PELI2: variants seen among roughly 807,000 people sequenced by gnomAD.
PELI2 encodes E3 ubiquitin-protein ligase pellino homolog 2.
PELI2 carries 23 observed loss-of-function variants against 42.3 expected under a neutral mutation model. That is an observed-to-expected ratio of 0.54 (90% CI 0.39 to 0.77). The LOEUF is 0.77. Among genes scored for constraint, PELI2 ranks in the 30% least tolerant of loss-of-function variants. The pLI is 0.00. For missense variants in PELI2, 463 were observed against 553.2 expected (o/e 0.84, Z 1.64); for synonymous variants, 245 against 212.2 (o/e 1.15, Z -1.34).
At chr14:56,140,611 A>G (rs977270348) in intron 1 of PELI2, among the ~76,000 whole-genome samples, 1 of 152,230 alleles carries the variant, frequency 6.6e-6, no homozygotes, top group Non-Finnish European at 1.5e-5. Context: ...GTAGGATCAT[A>G]TGCCTCTTTA....
At chr14:56,132,900 C>T (rs1438481735) in intron 1 of PELI2, among the ~76,000 whole-genome samples, 3 of 152,160 alleles carry the variant, frequency 2.0e-5, no homozygotes, top group Non-Finnish European at 4.4e-5. Context: ...TAATCATTAA[C>T]ACAGATCATT....
chr14:56,158,918 C>A (rs544994132), intron 1 of PELI2, among the ~76,000 whole-genome samples: 2 of 152,252 alleles, frequency 1.3e-5, no homozygotes, highest in South Asian at 4.1e-4. Flanking sequence ...AATATATACT[C>A]ATTTTTAAAA....
At chr14:56,175,001 T>A (rs1266972986) in intron 1 of PELI2, among the ~76,000 whole-genome samples, 6 of 152,150 alleles carry the variant, frequency 3.9e-5, no homozygotes, top group African/African-American at 1.4e-4. Context: ...GATTTCTTTT[T>A]CTTTCTTTTC....
chr14:56,164,978 T>C (rs375104597), intron 1 of PELI2, among the ~76,000 whole-genome samples: 3 of 149,016 alleles, frequency 2.0e-5, no homozygotes, highest in Non-Finnish European at 1.5e-5. Flanking sequence ...TTTTTTTTTT[T>C]CAAAAAACCA....
chr14:56,289,244 A>G (rs949455217), intron 4 of PELI2, among the ~76,000 whole-genome samples: 1 of 152,208 alleles, frequency 6.6e-6, no homozygotes, highest in South Asian at 2.1e-4. Flanking sequence ...GTGCCGATGA[A>G]GGCCAGCTCC....
intron 2 of PELI2, among the ~76,000 whole-genome samples, chr14:56,191,758 A>G (rs1281662794): frequency 6.6e-6 from 1 of 152,244 alleles, no homozygotes; most frequent in African/African-American, 2.4e-5. Context: ...AGAACTTTGT[A>G]CTTGAGCTAT....
intron 1 of PELI2, among the ~76,000 whole-genome samples, chr14:56,167,010 T>A (rs909646267): frequency 1.3e-5 from 2 of 152,200 alleles, no homozygotes; most frequent in East Asian, 1.9e-4. Context: ...AGGATGGTCT[T>A]GATCTCCTGA....
At position 56,180,742 on chromosome 14, in the gene PELI2, G is replaced by A. The variant is rs115453195; in HGVS notation, c.207+2278G>A. On this transcript the variant is annotated intron_variant, in intron 2 of 5. Coordinates refer to ENST00000267460, the MANE Select transcript of PELI2 (RefSeq NM_021255.3). The surrounding 1 kb of genome is among the most constrained non-coding windows in gnomAD (Gnocchi z 4.4). ...TTGGCGCCCCCCATCTACCTCTTCC[G>A]CCCCTTACTCCTGCTCCCTCTCAAA... 3.3e-5 allele frequency among the ~76,000 whole-genome samples: 5 copies of A among 151,292 alleles called. No individual in the cohort carries two copies. The highest frequency in any genetic ancestry group is 2.1e-4 in the South Asian group (1 of 4,780).
chr14:56,170,043 C>T (rs2228708), intron 1 of PELI2, among the ~76,000 whole-genome samples: 1 of 152,144 alleles, frequency 6.6e-6, no homozygotes, highest in Non-Finnish European at 1.5e-5. Context: ...TTCTCAGAGA[C>T]TGTGTGCCCT....
At chr14:56,284,359 G>T (rs980612786) in intron 3 of PELI2, among the ~76,000 whole-genome samples, 1 of 152,128 alleles carries the variant, frequency 6.6e-6, no homozygotes, top group Non-Finnish European at 1.5e-5. Context: ...AATTAGAGGG[G>T]TGCATTGTCT....
intron 2 of PELI2, among the ~76,000 whole-genome samples, chr14:56,198,450 A>C (rs1385519271): frequency 6.6e-6 from 1 of 152,222 alleles, no homozygotes; most frequent in Non-Finnish European, 1.5e-5. Context: ...TGCCTAAGGC[A>C]GACTGGAGTA....
At chr14:56,228,997 T>C (rs577995498) in intron 2 of PELI2, among the ~76,000 whole-genome samples, 1 of 152,202 alleles carries the variant, frequency 6.6e-6, no homozygotes, top group East Asian at 1.9e-4. Flanking sequence ...GCCTTGCTCA[T>C]TGCTAGCACA....
intron 1 of PELI2, among the ~76,000 whole-genome samples, chr14:56,128,517 T>G (rs1436692046): frequency 6.6e-6 from 1 of 152,088 alleles, no homozygotes; most frequent in Non-Finnish European, 1.5e-5. Flanking sequence ...AGGGTGAAGG[T>G]GAGAGGCATG....
At position 56,232,646 on chromosome 14, in the gene PELI2, A is replaced by G. The variant is rs565236399; in HGVS notation, c.208-47030A>G. Reference sequence around the variant, plus strand: ...AGCTATTTATGACAAACCCCCAGCCAGTATCATACTGAATGGGCAAAAACT... The same window carrying G: ...AGCTATTTATGACAAACCCCCAGCCGGTATCATACTGAATGGGCAAAAACT... On this transcript the variant is annotated intron_variant, in intron 2 of 5. Coordinates refer to ENST00000267460, the MANE Select transcript of PELI2 (RefSeq NM_021255.3). Among the ~76,000 whole-genome samples the G allele has an allele frequency of 4.3e-3, 655 of 151,826 alleles. 4 individuals are homozygous for G. Among genetic ancestry groups the G allele is most frequent in the African/African-American group, 0.015 (604 of 41,430 alleles).
At chr14:56,156,117 G>A (rs1884557566) in intron 1 of PELI2, among the ~76,000 whole-genome samples, 1 of 151,672 alleles carries the variant, frequency 6.6e-6, no homozygotes, top group African/African-American at 2.4e-5. Context: ...TTTATTCTTG[G>A]TTCTTAAAAA....
At chr14:56,284,516 C>T (rs1313716123) in intron 3 of PELI2, among the ~76,000 whole-genome samples, 1 of 152,080 alleles carries the variant, frequency 6.6e-6, no homozygotes, top group Non-Finnish European at 1.5e-5. Flanking sequence ...GCTACAAGGC[C>T]TAACAGTTTT....
intron 2 of PELI2, among the ~76,000 whole-genome samples, chr14:56,181,117 C>G (rs899172611): frequency 6.6e-6 from 1 of 152,132 alleles, no homozygotes; most frequent in Admixed American, 6.5e-5. Flanking sequence ...CCCATTTTCA[C>G]TTGGAAATGA....
chr14:56,220,918 G>A (rs1021752591), intron 2 of PELI2, among the ~76,000 whole-genome samples: 5 of 152,168 alleles, frequency 3.3e-5, no homozygotes, highest in African/African-American at 1.2e-4. Flanking sequence ...CATTTCTTCA[G>A]TTTTCAGAAG....
At position 56,296,719 on chromosome 14, in the gene PELI2, C is replaced by T. The variant is rs780985892; in HGVS notation, c.816C>T (p.Ala272=). ...CTCCAACTCAGAAGCACATAGAAGC[C>T]CTCCGGCAGGAGATTAACGCCGCCC... ...FHTPTQKHIE[A]LRQEINAARP... is the part of the protein sequence containing the mutation. Residue 272 remains alanine, a synonymous_variant, in exon 6 of 6, where the codon GCC becomes GCT. Transcript: ENST00000267460. 6.2e-7 allele frequency: 1 copy of T among 1,614,114 alleles called. No individual in the cohort carries two copies. Among genetic ancestry groups the T allele is most frequent in the Non-Finnish European group, 8.5e-7 (1 of 1,180,026 alleles).
Sources: gnomAD v4.1 joint callset for allele counts (sites outside exome capture counted in the v4.1 genomes callset) on GRCh38, gnomAD v4.1.1 for gene constraint, Gnocchi (gnomAD v3.1) non-coding constraint, MANE v1.5 for transcripts, NCBI Gene and HGNC (gene_info 2026-07-23, HGNC 2026-07-21) for gene names.